SYNDIG1L: variants seen among roughly 807,000 people sequenced by gnomAD.
The protein encoded by SYNDIG1L is synapse differentiation-inducing gene protein 1-like.
SYNDIG1L carries 13 observed loss-of-function variants against 20.1 expected under a neutral mutation model. The observed-to-expected ratio is 0.65, with a 90% CI of 0.42 to 1.03. The LOEUF (loss-of-function observed/expected upper bound fraction) is 1.03. SYNDIG1L is among the 50% of genes least tolerant of loss of function. The pLI is 0.00. For missense variants in SYNDIG1L, 294 were observed against 305.1 expected (o/e 0.96, Z 0.27); for synonymous variants, 128 against 129.3 (o/e 0.99, Z 0.07).
At chr14:74,425,561 A>G (rs973478367) in intron 1 of SYNDIG1L, among the ~76,000 whole-genome samples, 5 of 152,184 alleles carry the variant, frequency 3.3e-5, no homozygotes, top group Admixed American at 3.3e-4. Context: ...AGATTTTGCT[A>G]GTGTCGCAAA....
At chr14:74,408,652 C>T (rs1026256266) in intron 2 of SYNDIG1L, among the ~76,000 whole-genome samples, 2 of 151,876 alleles carry the variant, frequency 1.3e-5, no homozygotes, top group Non-Finnish European at 2.9e-5. Context: ...AATGGAAGAC[C>T]ATGTAACCAT....
At chr14:74,462,808 C>T in the SYNDIG1L span, among the ~76,000 whole-genome samples, 1 of 152,166 alleles carries the variant, frequency 6.6e-6, no homozygotes, top group Non-Finnish European at 1.5e-5. Context: ...AGCCATTATT[C>T]TTAGCCTAAA....
At chr14:74,417,554 TACA>T (rs1189852489) in intron 1 of SYNDIG1L, among the ~76,000 whole-genome samples, 2 of 152,214 alleles carry the variant, frequency 1.3e-5, no homozygotes, top group East Asian at 1.9e-4. Context: ...CTCAAAACTT[TACA>T]ACAACAAATG....
chr14:74,416,362 A>G (rs1289443151), intron 1 of SYNDIG1L, among the ~76,000 whole-genome samples: 1 of 152,184 alleles, frequency 6.6e-6, no homozygotes, highest in African/African-American at 2.4e-5. Flanking sequence ...GAGGCTAGGC[A>G]TGGTGGCTCA....
chr14:74,428,066 G>A (rs1198050928), upstream of SYNDIG1L, among the ~76,000 whole-genome samples: 1 of 152,266 alleles, frequency 6.6e-6, no homozygotes, highest in African/African-American at 2.4e-5. Flanking sequence ...AACTCAAAGA[G>A]AGGCTGTTGG....
chr14:74,441,997 G>A, the SYNDIG1L span, among the ~76,000 whole-genome samples: 2 of 152,162 alleles, frequency 1.3e-5, no homozygotes, highest in Non-Finnish European at 2.9e-5. Context: ...AATCAGAAAA[G>A]CAGGTTCAGA....
At chr14:74,461,782 C>T in the SYNDIG1L span, among the ~76,000 whole-genome samples, 4 of 150,202 alleles carry the variant, frequency 2.7e-5, no homozygotes, top group African/African-American at 9.8e-5. Context: ...AAACAACAAA[C>T]ATAAAACAAT....
chr14:74,409,544 C>T lies in SYNDIG1L; in HGVS notation c.201G>A (p.Trp67Ter). 3 of 1,561,530 alleles carry T rather than the reference C, an allele frequency of 1.9e-6. No homozygotes were observed. The South Asian group carries it at 3.6e-5, about 19-fold the overall frequency. The change falls in exon 2 of 4, where the codon TGG (tryptophan) becomes TGA (stop). Residue 67 changes from tryptophan to a stop codon, truncating the protein, a stop_gained. Transcript: ENST00000331628. LOFTEE classifies it high-confidence loss of function. ...PGSLQLAVEA[W>*]YRPSCLLGRD... ...TCCCCAGGAGGCAGCTGGGCCGGTA[C>T]CAGGCCTCCACGGCCAGCTGCAGGG...
upstream of SYNDIG1L, among the ~76,000 whole-genome samples, chr14:74,429,601 C>CG (rs1266215722): frequency 4.5e-4 from 69 of 152,334 alleles, no homozygotes; most frequent in African/African-American, 1.6e-3. Context: ...CCCTCTACCT[C>CG]GGAGTTGAGC....
intron 2 of SYNDIG1L, 100 bp from the exon 3 acceptor site, chr14:74,408,089 A>G: frequency 2.1e-6 from 3 of 1,396,228 alleles, no homozygotes; most frequent in East Asian, 2.5e-5. Context: ...GGCCAGTGAC[A>G]TGGAGCAACA....
At position 74,426,040 on chromosome 14, in the gene SYNDIG1L, G is replaced by C. The variant is rs1020759569; in HGVS notation, c.-186C>G. On this transcript the variant is annotated 5_prime_UTR_variant, in exon 1 of 4. Coordinates refer to ENST00000331628, the MANE Select transcript of SYNDIG1L (RefSeq NM_001105579.2). ...GGAGGGCTCCCCTGCTCTCGTCCCC[G>C]CGTCCCTGAGCAGCCGCCGCTTCAG... 6.6e-6 allele frequency: 1 copy of C among 152,214 alleles called. No homozygotes were observed. Among genetic ancestry groups the C allele is most frequent in the South Asian group, 1.8e-4 (1 of 5,670 alleles). The allele number at this position is 152,214 out of a possible 1,614,324, so 9.4% of individuals were successfully genotyped here. A position where few individuals can be genotyped will look rare whatever the true frequency, so the allele number is the denominator to read the frequency against.
chr14:74,470,824 C>G, the SYNDIG1L span, among the ~76,000 whole-genome samples: 1 of 152,214 alleles, frequency 6.6e-6, no homozygotes, highest in Admixed American at 6.5e-5. Flanking sequence ...GCTTTTCCAA[C>G]ATCCTGCTTC....
the SYNDIG1L span, among the ~76,000 whole-genome samples, chr14:74,434,660 A>G: frequency 2.0e-5 from 3 of 150,478 alleles, no homozygotes; most frequent in Non-Finnish European, 4.5e-5. Flanking sequence ...GGCAGATATG[A>G]GAGAGAGAGA....
At chr14:74,464,739 A>T in the SYNDIG1L span, among the ~76,000 whole-genome samples, 1 of 151,980 alleles carries the variant, frequency 6.6e-6, no homozygotes, top group Non-Finnish European at 1.5e-5. Context: ...TTCCTCCTCT[A>T]CCAAATGGGA....
Position 74,409,605 on chromosome 14 carries a change from C to T in SYNDIG1L, c.140G>A (p.Gly47Glu). 1 of 1,510,256 alleles carries T rather than the reference C, an allele frequency of 6.6e-7. No homozygotes were observed. The highest frequency in any genetic ancestry group is 2.3e-5 in the Admixed American group (1 of 43,298). 93.6% of individuals were successfully genotyped at this position (1,510,256 alleles called of 1,614,324 possible). The change falls in exon 2 of 4, where the codon GGG becomes GAG. Residue 47 changes from glycine (G) to glutamate (E), a missense_variant. Physicochemically the swap from Gly to Glu is moderately conservative, Grantham distance 98. Coordinates refer to ENST00000331628, the MANE Select transcript of SYNDIG1L (RefSeq NM_001105579.2). Reference protein sequence around the residue: ...KLYSYLLGGAGPAGAHQLLDP... With the variant: ...KLYSYLLGGAEPAGAHQLLDP... Reference sequence around the variant, plus strand: ...CAGGAGCTGGTGGGCTCCGGCAGGCCCAGCGCCACCTAGGAGGTAGGAGTA... The same window carrying T: ...CAGGAGCTGGTGGGCTCCGGCAGGCTCAGCGCCACCTAGGAGGTAGGAGTA...
chr14:74,407,763 C>T, intron 3 of SYNDIG1L, 70 bp from the exon 4 acceptor site: 1 of 1,575,944 alleles, frequency 6.3e-7, no homozygotes, highest in East Asian at 2.2e-5. Flanking sequence ...CCTGCCAGGC[C>T]CCTGACCCCA....
At chr14:74,438,834 C>G in the SYNDIG1L span, among the ~76,000 whole-genome samples, 1 of 152,212 alleles carries the variant, frequency 6.6e-6, no homozygotes, top group Non-Finnish European at 1.5e-5. Flanking sequence ...CACTCTTATC[C>G]TTATCACTGC....
the SYNDIG1L span, among the ~76,000 whole-genome samples, chr14:74,432,779 G>A: frequency 7.2e-4 from 110 of 152,104 alleles, no homozygotes; most frequent in African/African-American, 2.5e-3. Flanking sequence ...GTTTGAACCC[G>A]GGAGGTGGAG....
chr14:74,430,257 C>T (rs1409528000), upstream of SYNDIG1L, among the ~76,000 whole-genome samples: 1 of 152,160 alleles, frequency 6.6e-6, no homozygotes, highest in South Asian at 2.1e-4. Flanking sequence ...TGAGCATTTG[C>T]ACCCTGGCAG....
Sources: gnomAD v4.1 joint callset for allele counts (sites outside exome capture counted in the v4.1 genomes callset) on GRCh38, gnomAD v4.1.1 for gene constraint, MANE v1.5 for transcripts, NCBI Gene and HGNC (gene_info 2026-07-23, HGNC 2026-07-21) for gene names.